ANAPC10: variants seen among roughly 807,000 people sequenced by gnomAD.
The protein encoded by ANAPC10 is anaphase promoting complex subunit 10.
Under a neutral mutation model 22.0 loss-of-function variants are expected in ANAPC10, and 12 were observed. The ratio of observed to expected loss-of-function variants is 0.55; its 90% CI spans 0.35 to 0.88. The LOEUF (loss-of-function observed/expected upper bound fraction) is 0.88. Ranked by LOEUF, ANAPC10 falls within the 40% of genes least tolerant of loss-of-function variation. The pLI, the probability that ANAPC10 is intolerant of heterozygous loss-of-function variation, is 0.01. For synonymous variants in ANAPC10, 65 were observed against 69.5 expected (o/e 0.94, Z 0.32); for missense variants, 188 against 220.9 (o/e 0.85, Z 0.94).
intron 3 of ANAPC10, among the ~76,000 whole-genome samples, chr4:145,074,171 A>G (rs1744876486): frequency 1.3e-5 from 2 of 151,462 alleles, no homozygotes; most frequent in Admixed American, 6.6e-5. Context: ...AAAATAGAGA[A>G]GCAAAAAGCT....
At chr4:145,026,988 T>TATATATATATATA (rs1491096702) in intron 4 of ANAPC10, among the ~76,000 whole-genome samples, 12 of 10,264 alleles carry the variant, frequency 1.2e-3, no homozygotes, top group East Asian at 0.016. Flanking sequence ...TATATATATA[T>TATATATATATATA]TTTTTTTTTT....
intron 4 of ANAPC10, among the ~76,000 whole-genome samples, chr4:145,055,393 A>G (rs1355954988): frequency 6.6e-6 from 1 of 152,090 alleles, no homozygotes; most frequent in South Asian, 2.1e-4. Context: ...CCCTGTCTAC[A>G]CTAAAAATAC....
At chr4:145,010,564 A>G (rs1001971225) in intron 4 of ANAPC10, among the ~76,000 whole-genome samples, 3 of 152,170 alleles carry the variant, frequency 2.0e-5, no homozygotes, top group African/African-American at 7.2e-5. Context: ...TGAGCAAACT[A>G]TCGCAAAGAC....
intron 4 of ANAPC10, among the ~76,000 whole-genome samples, chr4:145,049,792 C>T (rs1189779588): frequency 6.6e-6 from 1 of 151,820 alleles, no homozygotes; most frequent in African/African-American, 2.4e-5. Flanking sequence ...GTTATGTTGC[C>T]CAGGCTGGTC....
rs1269954797 is a variant in ANAPC10 at position 145,012,878 on chromosome 4, G to A, written c.328-17275C>T. Among the ~76,000 whole-genome samples, 10 of 152,242 alleles carry A rather than the reference G, an allele frequency of 6.6e-5. No individual in the cohort carries two copies. In the East Asian group the frequency reaches 1.9e-3, roughly 29 times the overall value. On this transcript the variant is annotated intron_variant, in intron 4 of 4. Coordinates refer to ENST00000507656, the MANE Select transcript of ANAPC10 (RefSeq NM_001256706.2). Reference sequence around the variant, plus strand: ...AATTGTAATCCCCAATGATGGAGGGGGGCCTGGTGGGAAATGACTGGATCA... The same window carrying A: ...AATTGTAATCCCCAATGATGGAGGGAGGCCTGGTGGGAAATGACTGGATCA...
chr4:145,032,900 C>A (rs1393235319), intron 4 of ANAPC10: 1 of 152,284 alleles, frequency 6.6e-6, no homozygotes, highest in Non-Finnish European at 1.5e-5. Context: ...ATCCTGCATG[C>A]AATGCTTCTG....
intron 4 of ANAPC10, among the ~76,000 whole-genome samples, chr4:145,021,532 G>A (rs1182568403): frequency 1.3e-5 from 2 of 152,102 alleles, no homozygotes; most frequent in African/African-American, 4.8e-5. Context: ...ACTCAAGATG[G>A]CTTAAGGACT....
chr4:145,049,548 A>G (rs1347859256), intron 4 of ANAPC10, among the ~76,000 whole-genome samples: 3 of 152,116 alleles, frequency 2.0e-5, no homozygotes, highest in Admixed American at 6.5e-5. Context: ...TTATAATGAG[A>G]TTGCTGCAAT....
At chr4:145,012,174 GTGTATA>G (rs918153025) in intron 4 of ANAPC10, among the ~76,000 whole-genome samples, 12 of 133,456 alleles carry the variant, frequency 9.0e-5, no homozygotes, top group African/African-American at 3.3e-4. Flanking sequence ...ATGTGTGTGT[GTGTATA>G]TATATATATA....
chr4:145,034,316 A>G (rs1400521968), intron 4 of ANAPC10, among the ~76,000 whole-genome samples: 1 of 152,046 alleles, frequency 6.6e-6, no homozygotes, highest in Non-Finnish European at 1.5e-5. Flanking sequence ...GTGAATATAA[A>G]GCAGGCAGAA....
chr4:145,077,789 G>A (rs1460506372), intron 3 of ANAPC10, among the ~76,000 whole-genome samples: 3 of 152,056 alleles, frequency 2.0e-5, no homozygotes, highest in Non-Finnish European at 2.9e-5. Context: ...ATCATCTCAA[G>A]AGATGCAGAA....
At chr4:145,007,290 C>A (rs191833310) in intron 4 of ANAPC10, among the ~76,000 whole-genome samples, 117 of 152,224 alleles carry the variant, frequency 7.7e-4, no homozygotes, top group African/African-American at 2.6e-3. Context: ...CCAAGCAGAC[C>A]TAATAGACAT....
intron 3 of ANAPC10, among the ~76,000 whole-genome samples, chr4:145,079,269 A>G (rs1745613056): frequency 6.6e-6 from 1 of 152,246 alleles, no homozygotes; most frequent in Non-Finnish European, 1.5e-5. Context: ...AGCATATGAA[A>G]AGATGGTCAA....
chr4:145,002,591 G>A (rs1181173529), intron 4 of ANAPC10, among the ~76,000 whole-genome samples: 1 of 152,062 alleles, frequency 6.6e-6, no homozygotes, highest in Admixed American at 6.6e-5. Context: ...AGAACAACTA[G>A]ATAGAGTGTT....
At chr4:145,055,923 T>TTAAA (rs1338935822) in intron 4 of ANAPC10, among the ~76,000 whole-genome samples, 1 of 152,216 alleles carries the variant, frequency 6.6e-6, no homozygotes, top group Non-Finnish European at 1.5e-5. Flanking sequence ...TATATGTTTT[T>TTAAA]TGCAATTAAA....
intron 4 of ANAPC10, among the ~76,000 whole-genome samples, chr4:145,008,602 T>C (rs534964100): frequency 2.6e-4 from 40 of 152,248 alleles, no homozygotes; most frequent in Admixed American, 6.5e-4. Flanking sequence ...ATTTTCTCAA[T>C]AGATGCAGAA....
intron 2 of ANAPC10, among the ~76,000 whole-genome samples, chr4:145,086,739 T>C (rs1042986705): frequency 5.3e-5 from 8 of 151,808 alleles, no homozygotes; most frequent in Admixed American, 1.3e-4. Context: ...TAGATGCCAA[T>C]AGAAACACTC....
At position 145,060,397 on chromosome 4, in the gene ANAPC10, A is replaced by G. The variant is rs112097884; in HGVS notation, c.327+4175T>C. Among the ~76,000 whole-genome samples, 752 of 152,114 alleles carry G rather than the reference A, an allele frequency of 4.9e-3. 2 individuals carry two copies. The highest frequency in any genetic ancestry group is 0.014 in the Middle Eastern group (4 of 294). ...ATCAATAGAAGTAACAAAGATCTAGATACAATACATGCTTCATAACTAAAA... is the reference window on the plus strand; with the variant it reads ...ATCAATAGAAGTAACAAAGATCTAGGTACAATACATGCTTCATAACTAAAA... On this transcript the variant is annotated intron_variant, in intron 4 of 4. Transcript: ENST00000507656.
intron 4 of ANAPC10, among the ~76,000 whole-genome samples, chr4:145,025,375 T>TA (rs899719480): frequency 6.9e-5 from 10 of 145,422 alleles, no homozygotes; most frequent in African/African-American, 2.5e-4. Context: ...GCTTTTGAGT[T>TA]AAAGTGAGAG....
Sources: allele counts gnomAD v4.1 joint callset (sites outside exome capture counted in the v4.1 genomes callset), GRCh38; gene constraint gnomAD v4.1.1; transcripts MANE v1.5; gene names NCBI Gene and HGNC (gene_info 2026-07-23, HGNC 2026-07-21).